The following DLG2 variants were observed in gnomAD, a reference collection of about 807,000 sequenced individuals.
DLG2 encodes the protein discs large MAGUK scaffold protein 2.
DLG2 carries 45 observed loss-of-function variants against 132.5 expected under a neutral mutation model. The observed-to-expected ratio is 0.34, with a 90% CI of 0.27 to 0.44. The LOEUF (loss-of-function observed/expected upper bound fraction) is 0.44. DLG2 is among the 20% of genes least tolerant of loss of function. The pLI is 1.00. For missense variants in DLG2, 1,045 were observed against 1,196.9 expected (o/e 0.87, Z 1.87); for synonymous variants, 424 against 419.6 (o/e 1.01, Z -0.13).
chr11:83,584,816 G>A (rs1324749954), intron 19 of DLG2, among the ~76,000 whole-genome samples: 3 of 152,200 alleles, frequency 2.0e-5, no homozygotes, highest in African/African-American at 4.8e-5. Context: ...GTCAAAATCA[G>A]TAATTTAGGC....
intron 10 of DLG2, among the ~76,000 whole-genome samples, chr11:84,063,133 T>C (rs1051020822): frequency 6.6e-6 from 1 of 152,186 alleles, no homozygotes; most frequent in Non-Finnish European, 1.5e-5. Context: ...GTTGTTTACA[T>C]ATACAGACTT....
At chr11:84,384,687 A>G (rs1022207765) in intron 7 of DLG2, among the ~76,000 whole-genome samples, 2 of 151,928 alleles carry the variant, frequency 1.3e-5, no homozygotes, top group African/African-American at 4.8e-5. Flanking sequence ...TAGAAAGATA[A>G]CTCCGAAATG....
At chr11:85,204,710 G>A (rs1366602421) in intron 4 of DLG2, among the ~76,000 whole-genome samples, 1 of 151,596 alleles carries the variant, frequency 6.6e-6, no homozygotes, top group African/African-American at 2.4e-5. Flanking sequence ...TGGACACAAA[G>A]ATCTTGAAAA....
chr11:84,871,713 T>G (rs954733026), intron 6 of DLG2, among the ~76,000 whole-genome samples: 3 of 151,314 alleles, frequency 2.0e-5, no homozygotes, highest in African/African-American at 7.3e-5. Context: ...ATTTCATTGT[T>G]TATTTATTTA....
At chr11:83,936,963 T>C (rs1013926217) in intron 14 of DLG2, among the ~76,000 whole-genome samples, 1 of 152,208 alleles carries the variant, frequency 6.6e-6, no homozygotes, top group Non-Finnish European at 1.5e-5. Flanking sequence ...TCAAGGCCGT[T>C]GAGACATGGA....
chr11:85,399,639 G>T (rs1209270736), intron 3 of DLG2, among the ~76,000 whole-genome samples: 3 of 151,990 alleles, frequency 2.0e-5, no homozygotes, highest in South Asian at 2.1e-4. Context: ...TATCTACAAC[G>T]ATCTGAACTT....
intron 19 of DLG2, among the ~76,000 whole-genome samples, chr11:83,574,577 C>G (rs1481642991): frequency 1.3e-5 from 2 of 152,110 alleles, no homozygotes; most frequent in East Asian, 1.9e-4. Flanking sequence ...CATTGTCATT[C>G]TGACCTGAAC....
intron 6 of DLG2, among the ~76,000 whole-genome samples, chr11:85,099,109 T>C (rs2070421615): frequency 6.6e-6 from 1 of 152,240 alleles, no homozygotes; most frequent in Non-Finnish European, 1.5e-5. Flanking sequence ...AAAAGTTTTC[T>C]TCGGGCCAAA....
chr11:85,154,753 T>C, intron 4 of DLG2, 102 bp from the exon 5 acceptor site: 1 of 594,890 alleles, frequency 1.7e-6, no homozygotes, highest in Non-Finnish European at 2.8e-6. Context: ...AAGGCCTGAA[T>C]AAATATTAGA....
intron 18 of DLG2, among the ~76,000 whole-genome samples, chr11:83,694,913 C>T (rs762230314): frequency 1.3e-5 from 2 of 152,198 alleles, no homozygotes; most frequent in African/African-American, 2.4e-5. Context: ...TAAAGAGAGA[C>T]GCAGTGGGAA....
chr11:84,906,892 T>C (rs2091579413), intron 6 of DLG2, among the ~76,000 whole-genome samples: 1 of 152,166 alleles, frequency 6.6e-6, no homozygotes, highest in South Asian at 2.1e-4. Context: ...AGATGTTTAA[T>C]GCTAAAATGA....
intron 6 of DLG2, among the ~76,000 whole-genome samples, chr11:84,563,456 A>G (rs1291923919): frequency 6.6e-6 from 1 of 152,172 alleles, no homozygotes; most frequent in Non-Finnish European, 1.5e-5. Context: ...TTTGACAACA[A>G]TCCCCAGGGC....
At chr11:85,071,361 G>A (rs2065838069) in intron 6 of DLG2, among the ~76,000 whole-genome samples, 1 of 151,794 alleles carries the variant, frequency 6.6e-6, no homozygotes, top group African/African-American at 2.4e-5. Context: ...CAGACAAAAT[G>A]ACCTAAAAGT....
intron 4 of DLG2, among the ~76,000 whole-genome samples, chr11:85,157,581 G>A: frequency 6.6e-6 from 1 of 152,198 alleles, no homozygotes; most frequent in South Asian, 2.1e-4. Flanking sequence ...TTGCTCCTGA[G>A]TTCAGTGGAC....
chr11:84,711,405 C>T (rs2060433576), intron 6 of DLG2, among the ~76,000 whole-genome samples: 1 of 130,326 alleles, frequency 7.7e-6, no homozygotes, highest in Non-Finnish European at 1.6e-5. Flanking sequence ...CTATCCTCCC[C>T]CACCCCCTCC....
At chr11:85,344,686 A>G (rs2082710410) in intron 3 of DLG2, among the ~76,000 whole-genome samples, 1 of 152,136 alleles carries the variant, frequency 6.6e-6, no homozygotes, top group South Asian at 2.1e-4. Flanking sequence ...TAATTTCTCA[A>G]ACTGCCTTCC....
chr11:83,525,514 T>A (rs1054509483), intron 21 of DLG2, among the ~76,000 whole-genome samples: 1 of 152,162 alleles, frequency 6.6e-6, no homozygotes, highest in Admixed American at 6.5e-5. Context: ...AGGGAAAGAA[T>A]CCGAGAGGAA....
intron 19 of DLG2, among the ~76,000 whole-genome samples, chr11:83,557,905 T>A (rs1302701576): frequency 2.0e-5 from 3 of 152,140 alleles, no homozygotes; most frequent in Non-Finnish European, 1.5e-5. Context: ...AGGACAGATT[T>A]AGATCAATTC....
chr11:84,124,345 G>A (rs774310459), intron 9 of DLG2, among the ~76,000 whole-genome samples: 4 of 152,212 alleles, frequency 2.6e-5, no homozygotes, highest in Non-Finnish European at 4.4e-5. Context: ...ATGGAAAAGA[G>A]CAGACTCCCC....
Sources: allele counts gnomAD v4.1 joint callset (sites outside exome capture counted in the v4.1 genomes callset), GRCh38; gene constraint gnomAD v4.1.1; transcripts MANE v1.5; gene names NCBI Gene and HGNC (gene_info 2026-07-23, HGNC 2026-07-21).